Variants in RANBP2 observed in about 807,000 individuals in gnomAD.
RANBP2 encodes E3 SUMO-protein ligase RanBP2.
A neutral mutation model predicts 303.6 loss-of-function variants in RANBP2; 57 were observed. The ratio of observed to expected loss-of-function variants is 0.19; its 90% confidence interval spans 0.15 to 0.23. RANBP2 has a LOEUF of 0.23. Among genes scored for constraint, RANBP2 ranks in the 10% least tolerant of loss-of-function variants. RANBP2 has a pLI of 1.00. For synonymous variants in RANBP2, 1,167 were observed against 1,301.5 expected, an observed-to-expected ratio of 0.90 and a Z score of 2.23; for missense variants, 3,138 against 3,780.8, an observed-to-expected ratio of 0.83 and a Z score of 4.46.
chr2:109,168,085 A>G, the RANBP2 span, among the ~76,000 whole-genome samples: 2 of 152,182 alleles, frequency 1.3e-5, no homozygotes, highest in African/African-American at 4.8e-5. Flanking sequence ...CATCCTACAC[A>G]CCCAATTAAG....
At chr2:108,889,700 G>C in the RANBP2 span, among the ~76,000 whole-genome samples, 1 of 152,002 alleles carries the variant, frequency 6.6e-6, no homozygotes, top group East Asian at 1.9e-4. Context: ...TGAGTTTCTT[G>C]TAAGAGGCGT....
At chr2:108,875,337 GA>G in the RANBP2 span, among the ~76,000 whole-genome samples, 1 of 132,840 alleles carries the variant, frequency 7.5e-6, no homozygotes, top group Non-Finnish European at 1.5e-5. Flanking sequence ...AAAAAAAAAA[GA>G]AACAAATTCT....
the RANBP2 span, among the ~76,000 whole-genome samples, chr2:109,590,891 C>G: frequency 6.6e-5 from 10 of 152,140 alleles, no homozygotes; most frequent in African/African-American, 1.2e-4. Context: ...CTGCCAACAA[C>G]CAGAAAGAGT....
At chr2:109,200,662 T>C in the RANBP2 span, among the ~76,000 whole-genome samples, 1 of 152,178 alleles carries the variant, frequency 6.6e-6, no homozygotes, top group African/African-American at 2.4e-5. Context: ...CTGGCCAAGC[T>C]GGAGGCCTCT....
intron 2 of RANBP2, among the ~76,000 whole-genome samples, chr2:108,729,709 G>T (rs1261682819): frequency 6.9e-6 from 1 of 145,762 alleles, no homozygotes; most frequent in African/African-American, 2.7e-5. Context: ...AATTAAGAGG[G>T]AGTCAGGCTT....
chr2:109,394,683 C>T, the RANBP2 span, among the ~76,000 whole-genome samples: 3 of 152,204 alleles, frequency 2.0e-5, no homozygotes, highest in East Asian at 5.8e-4. Context: ...AGGAGGGGGA[C>T]GTCCACCTGA....
intron 25 of RANBP2, among the ~76,000 whole-genome samples, chr2:108,780,964 C>G (rs1465071088): frequency 3.9e-5 from 6 of 152,066 alleles, no homozygotes; most frequent in African/African-American, 1.4e-4. Context: ...TCACCTCGGC[C>G]TCACAAAGTG....
At chr2:109,677,303 G>T in the RANBP2 span, among the ~76,000 whole-genome samples, 1 of 152,130 alleles carries the variant, frequency 6.6e-6, no homozygotes, top group Non-Finnish European at 1.5e-5. Context: ...TCTCAGACTG[G>T]AGTCAGTGTC....
the RANBP2 span, among the ~76,000 whole-genome samples, chr2:108,869,992 G>C: frequency 7.2e-5 from 11 of 152,148 alleles, no homozygotes; most frequent in African/African-American, 2.7e-4. Flanking sequence ...GCTCAGAAAA[G>C]ACTTTAAAAC....
the RANBP2 span, among the ~76,000 whole-genome samples, chr2:109,386,605 G>A: frequency 6.6e-6 from 1 of 152,088 alleles, no homozygotes; most frequent in African/African-American, 2.4e-5. Flanking sequence ...CTTCCCTTCT[G>A]TTTGGGCCCG....
the RANBP2 span, among the ~76,000 whole-genome samples, chr2:109,412,859 C>A: frequency 6.6e-6 from 1 of 152,232 alleles, no homozygotes; most frequent in South Asian, 2.1e-4. Flanking sequence ...TGAAAATACA[C>A]GTATCACTGT....
At chr2:109,721,214 G>A in the RANBP2 span, among the ~76,000 whole-genome samples, 1 of 152,154 alleles carries the variant, frequency 6.6e-6, no homozygotes, top group African/African-American at 2.4e-5. Context: ...CTCGGAACAC[G>A]AACTTTCTTT....
chr2:109,618,132 C>T, the RANBP2 span: 1 of 166,862 alleles, frequency 6.0e-6, no homozygotes, highest in South Asian at 2.1e-4. Flanking sequence ...AGCACTTATG[C>T]ATACATGTGG....
At chr2:109,047,151 C>T in the RANBP2 span, among the ~76,000 whole-genome samples, 1 of 152,148 alleles carries the variant, frequency 6.6e-6, no homozygotes, top group Non-Finnish European at 1.5e-5. Flanking sequence ...CCCTATGCCA[C>T]TTGGCCCAGC....
the RANBP2 span, among the ~76,000 whole-genome samples, chr2:109,165,643 A>G: frequency 6.6e-6 from 1 of 152,174 alleles, no homozygotes; most frequent in African/African-American, 2.4e-5. Context: ...TGCACTGACC[A>G]CAGGAGTGAA....
the RANBP2 span, among the ~76,000 whole-genome samples, chr2:109,525,433 G>A: frequency 2.0e-5 from 3 of 152,140 alleles, no homozygotes; most frequent in Non-Finnish European, 4.4e-5. Context: ...CAAAGTGCTG[G>A]GATTACAGGC....
chr2:108,889,818 T>C, the RANBP2 span, among the ~76,000 whole-genome samples: 2 of 152,190 alleles, frequency 1.3e-5, no homozygotes, highest in African/African-American at 4.8e-5. Context: ...TTGTTGTCTT[T>C]TCTGGTTGTT....
intron 1 of RANBP2, among the ~76,000 whole-genome samples, chr2:108,726,346 G>A (rs1383140614): frequency 1.3e-5 from 2 of 152,072 alleles, no homozygotes; most frequent in Admixed American, 6.6e-5. Context: ...ATTTAAAATG[G>A]CACCAAAGAG....
At chr2:108,857,848 G>A in the RANBP2 span, among the ~76,000 whole-genome samples, 4 of 152,208 alleles carry the variant, frequency 2.6e-5, no homozygotes, top group Non-Finnish European at 5.9e-5. Flanking sequence ...AGATGCAAAT[G>A]TGTATTCATT....
Sources: gnomAD v4.1 joint callset for allele counts (sites outside exome capture counted in the v4.1 genomes callset) on GRCh38, gnomAD v4.1.1 for gene constraint, MANE v1.5 for transcripts, NCBI Gene and HGNC (gene_info 2026-07-23, HGNC 2026-07-21) for gene names.